Variants in RSPO3 observed in about 807,000 individuals in gnomAD.
RSPO3 encodes the protein R-spondin-3.
RSPO3 carries 17 observed loss-of-function variants against 36.5 expected under a neutral mutation model. That is an observed-to-expected ratio of 0.47 (90% confidence interval 0.32 to 0.70). The LOEUF is 0.70. Ranked by LOEUF, RSPO3 falls within the 30% of genes least tolerant of loss-of-function variation. The pLI, the probability that RSPO3 is intolerant of heterozygous loss-of-function variation, is 0.04. For synonymous variants in RSPO3, 108 were observed against 107.0 expected (o/e 1.01, Z -0.06); for missense variants, 294 against 322.5 (o/e 0.91, Z 0.68).
chr6:127,162,688 C>A (rs1004186469), intron 4 of RSPO3, among the ~76,000 whole-genome samples: 1 of 152,106 alleles, frequency 6.6e-6, no homozygotes, highest in East Asian at 1.9e-4. Context: ...ATCTTATATT[C>A]CGAATGGTTT....
chr6:127,143,417 AC>A (rs1774318905), intron 1 of RSPO3, among the ~76,000 whole-genome samples: 1 of 152,220 alleles, frequency 6.6e-6, no homozygotes. Flanking sequence ...TCTTAAGGCC[AC>A]TGCATACAGA....
chr6:127,186,688 A>G (rs1330175979), intron 4 of RSPO3, among the ~76,000 whole-genome samples: 1 of 152,142 alleles, frequency 6.6e-6, no homozygotes, highest in Non-Finnish European at 1.5e-5. Context: ...GATTATAGAT[A>G]TATTAAATAA....
At chr6:127,169,185 T>C (rs1436610402) in intron 4 of RSPO3, among the ~76,000 whole-genome samples, 1 of 151,810 alleles carries the variant, frequency 6.6e-6, no homozygotes, top group Non-Finnish European at 1.5e-5. Flanking sequence ...TTTCTTTTTC[T>C]CCACAACCTC....
At chr6:127,172,881 G>C (rs1774969089) in intron 4 of RSPO3, among the ~76,000 whole-genome samples, 1 of 151,864 alleles carries the variant, frequency 6.6e-6, no homozygotes, top group South Asian at 2.1e-4. Flanking sequence ...TGAGTCCAGT[G>C]ATATTTCAAG....
intron 4 of RSPO3, among the ~76,000 whole-genome samples, chr6:127,164,942 G>T (rs1284996974): frequency 6.6e-6 from 1 of 151,992 alleles, no homozygotes; most frequent in East Asian, 1.9e-4. Flanking sequence ...AAGAGTTTCT[G>T]AATAAAGTTT....
intron 4 of RSPO3, among the ~76,000 whole-genome samples, chr6:127,165,778 T>C (rs190966341): frequency 4.3e-4 from 65 of 152,146 alleles, no homozygotes; most frequent in Admixed American, 3.2e-3. Context: ...TAAGAAAGTA[T>C]TGAAATAGTT....
chr6:127,172,565 C>T (rs1774961107), intron 4 of RSPO3, among the ~76,000 whole-genome samples: 2 of 151,700 alleles, frequency 1.3e-5, no homozygotes, highest in South Asian at 2.1e-4. Flanking sequence ...GACTCAAAAT[C>T]ACCTTACAAA....
chr6:127,150,524 C>A lies in RSPO3; in HGVS notation c.388C>A (p.Pro130Thr). The A allele has an allele frequency of 6.2e-7, 1 of 1,611,980 alleles. No homozygotes were observed. Among genetic ancestry groups the A allele is most frequent in the Non-Finnish European group, 8.5e-7 (1 of 1,178,912 alleles). ...CCTTGGAAAGTGCCTTGACAATTGC[C>A]CAGAAGGGTTGGAAGCCAACAACCA... ...LHLGKCLDNC[P>T]EGLEANNHTM... The change falls in exon 3 of 5, where the codon CCA becomes ACA. Residue 130 changes from proline (P) to threonine (T), a missense_variant. Physicochemically the swap from Pro to Thr is conservative, Grantham distance 38 (BLOSUM62 -1). Around this residue, in one of 3 missense-constraint regions of RSPO3, gnomAD observed 190 missense variants for 185.2 expected, o/e 1.03. Coordinates refer to ENST00000356698, the MANE Select transcript of RSPO3 (RefSeq NM_032784.5).
At chr6:127,180,824 C>A (rs1017678773) in intron 4 of RSPO3, among the ~76,000 whole-genome samples, 1 of 151,666 alleles carries the variant, frequency 6.6e-6, no homozygotes, top group Non-Finnish European at 1.5e-5. Flanking sequence ...TTTTAGAATT[C>A]TTTTCATTTT....
chr6:127,192,908 C>T (rs1402756610), intron 4 of RSPO3, among the ~76,000 whole-genome samples: 1 of 152,068 alleles, frequency 6.6e-6, no homozygotes, highest in African/African-American at 2.4e-5. Context: ...AAGGAAGTCC[C>T]CTTTAATGAA....
chr6:127,197,649 C>A lies in RSPO3; in HGVS notation c.*1642C>A. The A allele has an allele frequency of 1.6e-6, 2 of 1,231,948 alleles. No homozygotes were observed. The highest frequency in any genetic ancestry group is 1.5e-5 in the African/African-American group (1 of 66,494). 76.3% of individuals were successfully genotyped at this position (1,231,948 alleles called of 1,614,324 possible). ...AATTTGCAATGACTCTGGCTTCTGGCTGCTTATCTCTGGACACCCGTTCTC... is the reference window on the plus strand; with the variant it reads ...AATTTGCAATGACTCTGGCTTCTGGATGCTTATCTCTGGACACCCGTTCTC... On this transcript the variant is annotated 3_prime_UTR_variant, in exon 5 of 5. Transcript: ENST00000356698.
chr6:127,164,141 C>T (rs1055515430), intron 4 of RSPO3, among the ~76,000 whole-genome samples: 4 of 152,052 alleles, frequency 2.6e-5, no homozygotes, highest in African/African-American at 9.7e-5. Context: ...TCCAATCTCA[C>T]GAAAGGATTC....
intron 4 of RSPO3, among the ~76,000 whole-genome samples, chr6:127,157,802 C>T (rs1344200568): frequency 6.6e-6 from 1 of 151,682 alleles, no homozygotes; most frequent in African/African-American, 2.4e-5. Flanking sequence ...CTATAAACTA[C>T]AGGTAGGAAG....
At chr6:127,126,447 C>T (rs896064633) in intron 1 of RSPO3, among the ~76,000 whole-genome samples, 4 of 151,942 alleles carry the variant, frequency 2.6e-5, no homozygotes, top group Non-Finnish European at 5.9e-5. Flanking sequence ...TCATTTTCAA[C>T]TGTGGTTTTT....
chr6:127,180,487 C>CAAAAAGAAAAAAAA (rs1775158982), intron 4 of RSPO3, among the ~76,000 whole-genome samples: 1 of 42,616 alleles, frequency 2.3e-5, no homozygotes, highest in African/African-American at 8.4e-5. Context: ...TGGAAGAAAA[C>CAAAAAGAAAAAAAA]AAAAAAAAAA....
intron 3 of RSPO3, 70 bp from the exon 4 acceptor site, chr6:127,155,171 C>A (rs773207581): frequency 1.5e-5 from 22 of 1,493,958 alleles, no homozygotes; most frequent in Non-Finnish European, 2.0e-5. Flanking sequence ...GGAAGCAAAT[C>A]TTTTTTTAAC....
intron 4 of RSPO3, among the ~76,000 whole-genome samples, chr6:127,159,401 G>A (rs1370215893): frequency 2.0e-5 from 3 of 152,118 alleles, no homozygotes; most frequent in Non-Finnish European, 4.4e-5. Flanking sequence ...AAGAAGTGAG[G>A]TGGAGGTCTA....
At chr6:127,145,508 T>C (rs1774366950) in intron 1 of RSPO3, among the ~76,000 whole-genome samples, 1 of 152,146 alleles carries the variant, frequency 6.6e-6, no homozygotes, top group Non-Finnish European at 1.5e-5. Context: ...TAGATCTATT[T>C]TATACTTCCA....
intron 4 of RSPO3, among the ~76,000 whole-genome samples, chr6:127,179,319 G>GT (rs1315479187): frequency 1.3e-5 from 2 of 151,788 alleles, no homozygotes; most frequent in African/African-American, 4.8e-5. Flanking sequence ...TTAGAATGTG[G>GT]TTTCTTTCTG....
Sources: allele counts gnomAD v4.1 joint callset (sites outside exome capture counted in the v4.1 genomes callset), GRCh38; gene constraint gnomAD v4.1.1; regional missense constraint gnomAD v4.1.1; transcripts MANE v1.5; gene names NCBI Gene and HGNC (gene_info 2026-07-23, HGNC 2026-07-21).